Variants in SLC1A3 observed in about 807,000 individuals in gnomAD.
SLC1A3 encodes solute carrier family 1 member 3.
In SLC1A3, 21 loss-of-function variants were observed where a neutral mutation model predicts 48.1. The ratio of observed to expected loss-of-function variants is 0.44; its 90% CI spans 0.31 to 0.63. The LOEUF (loss-of-function observed/expected upper bound fraction) is 0.63. SLC1A3 is among the 20% of genes least tolerant of loss of function. The pLI, the probability that SLC1A3 is intolerant of heterozygous loss-of-function variation, is 0.08. For missense variants in SLC1A3, 546 were observed against 689.0 expected (o/e 0.79, Z 2.32); for synonymous variants, 239 against 251.4 (o/e 0.95, Z 0.47).
intron 3 of SLC1A3, among the ~76,000 whole-genome samples, chr5:36,643,267 C>T (rs2111815879): frequency 6.6e-6 from 1 of 152,248 alleles, no homozygotes; most frequent in African/African-American, 2.4e-5. Context: ...ATTTTACATC[C>T]CCAGCAGCAG....
At chr5:36,618,819 C>T (rs2111709024) in intron 2 of SLC1A3, among the ~76,000 whole-genome samples, 1 of 152,280 alleles carries the variant, frequency 6.6e-6, no homozygotes, top group East Asian at 1.9e-4. Context: ...ACAAGTCCTG[C>T]TTTTAATTGC....
At chr5:36,620,845 A>G (rs1444336108) in intron 2 of SLC1A3, among the ~76,000 whole-genome samples, 1 of 152,152 alleles carries the variant, frequency 6.6e-6, no homozygotes, top group Admixed American at 6.5e-5. Context: ...TAAAACAAAT[A>G]AAACCAGCTA....
chr5:36,634,051 A>G (rs947754851), intron 3 of SLC1A3, among the ~76,000 whole-genome samples: 1 of 152,154 alleles, frequency 6.6e-6, no homozygotes, highest in Non-Finnish European at 1.5e-5. Flanking sequence ...TAAAGCTGGC[A>G]GATCACTTGA....
intron 3 of SLC1A3, among the ~76,000 whole-genome samples, chr5:36,647,434 T>C (rs558069329): frequency 6.6e-6 from 1 of 152,360 alleles, no homozygotes; most frequent in South Asian, 2.1e-4. Flanking sequence ...AATGTTTCCA[T>C]TTTTGATGTT....
chr5:36,663,112 CCACTAATAA>C (rs1321213369), intron 3 of SLC1A3, among the ~76,000 whole-genome samples: 1 of 152,184 alleles, frequency 6.6e-6, no homozygotes, highest in Non-Finnish European at 1.5e-5. Flanking sequence ...ACTTTTTCTG[CCACTAATAA>C]TACTGTCTTC....
intron 3 of SLC1A3, among the ~76,000 whole-genome samples, chr5:36,664,619 T>C (rs932434835): frequency 3.3e-5 from 5 of 152,156 alleles, no homozygotes; most frequent in African/African-American, 1.2e-4. Context: ...CTTTACCACA[T>C]GTGACACACT....
At chr5:36,662,359 C>T (rs1741548794) in intron 3 of SLC1A3, among the ~76,000 whole-genome samples, 1 of 152,192 alleles carries the variant, frequency 6.6e-6, no homozygotes, top group African/African-American at 2.4e-5. Flanking sequence ...CTGCTATTTT[C>T]TGCGGTCCTG....
chr5:36,598,555 T>C (rs1383925928), intron 1 of SLC1A3, among the ~76,000 whole-genome samples: 1 of 152,244 alleles, frequency 6.6e-6, no homozygotes. Context: ...TTTCTAACAG[T>C]GCTGACCAAT....
chr5:36,651,525 C>T (rs1316628786), intron 3 of SLC1A3, among the ~76,000 whole-genome samples: 1 of 147,754 alleles, frequency 6.8e-6, no homozygotes, highest in Non-Finnish European at 1.5e-5. Flanking sequence ...TTATTTCTCA[C>T]TCCTCCTCCC....
rs764999249 is a variant in SLC1A3, at chr5:36,677,100, A to G, written c.776A>G (p.Asn259Ser). The change falls in exon 6 of 10, where the codon AAC becomes AGC. Residue 259 changes from asparagine (N) to serine (S), a missense_variant. Coordinates refer to ENST00000265113, the MANE Select transcript of SLC1A3 (RefSeq NM_004172.5). The stretch of plus-strand genomic sequence containing the variant: ...ATGTGCTTCGGTTTTGTGATTGGAA[A>G]CATGAAGGAACAGGGGCAGGCCCTG... ...FSMCFGFVIG[N>S]MKEQGQALRE... is the part of the protein sequence containing the mutation. 6.2e-7 allele frequency: 1 copy of G among 1,614,158 alleles called. No homozygotes were observed. The highest frequency in any genetic ancestry group is 8.5e-7 in the Non-Finnish European group (1 of 1,179,994).
At chr5:36,685,495 C>T (rs920800572) in intron 9 of SLC1A3, among the ~76,000 whole-genome samples, 6 of 152,118 alleles carry the variant, frequency 3.9e-5, no homozygotes, top group Admixed American at 6.5e-5. Context: ...AGGCTGGTCT[C>T]GAACTCCTGA....
intron 2 of SLC1A3, chr5:36,609,080 C>T: frequency 1.0e-6 from 1 of 988,278 alleles, no homozygotes; most frequent in Non-Finnish European, 1.2e-6. Flanking sequence ...GGCACAGAGA[C>T]CGAATATTTT....
intron 1 of SLC1A3, among the ~76,000 whole-genome samples, chr5:36,599,485 T>C (rs1259889633): frequency 6.9e-6 from 1 of 144,792 alleles, no homozygotes; most frequent in Non-Finnish European, 1.5e-5. Context: ...CAGAAACCCC[T>C]ACACATCGTA....
At chr5:36,621,173 T>C (rs1739650172) in intron 2 of SLC1A3, among the ~76,000 whole-genome samples, 6 of 152,168 alleles carry the variant, frequency 3.9e-5, no homozygotes, top group Admixed American at 3.9e-4. Context: ...CCCAAAGTGC[T>C]GGAGTTACAG....
intron 3 of SLC1A3, among the ~76,000 whole-genome samples, chr5:36,650,003 A>G (rs550746246): frequency 3.3e-5 from 5 of 152,224 alleles, no homozygotes; most frequent in Non-Finnish European, 5.9e-5. Context: ...ATTTGACTCA[A>G]AATTTTACAA....
chr5:36,614,124 A>G (rs958861587), intron 2 of SLC1A3, among the ~76,000 whole-genome samples: 4 of 152,222 alleles, frequency 2.6e-5, no homozygotes, highest in African/African-American at 9.6e-5. Context: ...AAAACAGAAT[A>G]ATTATAAAAA....
chr5:36,640,853 T>C (rs995564935), intron 3 of SLC1A3, among the ~76,000 whole-genome samples: 6 of 151,818 alleles, frequency 4.0e-5, no homozygotes, highest in Admixed American at 6.6e-5. Context: ...CACCCCCACC[T>C]ACACCCACCA....
intron 7 of SLC1A3, 133 bp downstream of exon 7, chr5:36,679,993 G>A (rs1241222866): frequency 1.4e-6 from 1 of 719,568 alleles, no homozygotes; most frequent in Non-Finnish European, 2.5e-6. Flanking sequence ...TCTCATTTCT[G>A]ATGTCAATCA....
In SLC1A3 at chr5:36,686,206, A is replaced by G. The variant is rs1343669580; in HGVS notation, c.1566A>G (p.Pro522=). 6.8e-6 allele frequency: 11 copies of G among 1,614,072 alleles called. No individual in the cohort carries two copies. The highest frequency in any genetic ancestry group is 2.2e-5 in the East Asian group (1 of 44,906). The change falls in exon 10 of 10, where the codon CCA becomes CCG. Residue 522 remains proline, a synonymous_variant. Coordinates refer to ENST00000265113, the MANE Select transcript of SLC1A3 (RefSeq NM_004172.5). The part of the protein sequence containing the change: ...SVIEENEMKK[P]YQLIAQDNET... ...TTGAAGAGAATGAAATGAAGAAACCATATCAACTGATTGCACAGGACAATG... is the reference window on the plus strand; with the variant it reads ...TTGAAGAGAATGAAATGAAGAAACCGTATCAACTGATTGCACAGGACAATG...
Sources: gnomAD v4.1 joint callset for allele counts (sites outside exome capture counted in the v4.1 genomes callset) on GRCh38, gnomAD v4.1.1 for gene constraint, MANE v1.5 for transcripts, NCBI Gene and HGNC (gene_info 2026-07-23, HGNC 2026-07-21) for gene names.